The following UBE2E2 variants were observed in gnomAD, a reference collection of about 807,000 sequenced individuals.
The protein encoded by UBE2E2 is ubiquitin conjugating enzyme E2 E2.
Under a neutral mutation model 24.7 loss-of-function variants are expected in UBE2E2, and 6 were observed. That is an observed-to-expected ratio of 0.24 (90% CI 0.13 to 0.48). The LOEUF is 0.48. Among genes scored for constraint, UBE2E2 ranks in the 20% least tolerant of loss-of-function variants. UBE2E2 has a pLI of 0.99. For synonymous variants in UBE2E2, 104 were observed against 83.6 expected (o/e 1.24, Z -1.33); for missense variants, 169 against 245.0 (o/e 0.69, Z 2.07).
At chr3:23,226,215 G>A (rs955325164) in intron 3 of UBE2E2, among the ~76,000 whole-genome samples, 7 of 150,738 alleles carry the variant, frequency 4.6e-5, no homozygotes, top group Non-Finnish European at 1.0e-4. Flanking sequence ...AACTAAAATG[G>A]TATGTAGGGA....
At chr3:23,260,088 G>T (rs1383016080) in intron 3 of UBE2E2, among the ~76,000 whole-genome samples, 3 of 152,150 alleles carry the variant, frequency 2.0e-5, no homozygotes. Context: ...TCCTAGATGT[G>T]TATACAACAT....
rs931648898 is a variant in UBE2E2, at chr3:23,590,217, A to AT, written c.*395dup. The AT allele has an allele frequency of 1.5e-4, 24 of 164,468 alleles. No homozygotes were observed. Among genetic ancestry groups the AT allele is most frequent in the South Asian group, 3.9e-4 (2 of 5,134 alleles). 10.2% of individuals were successfully genotyped at this position (164,468 alleles called of 1,614,324 possible). A position where few individuals can be genotyped will look rare whatever the true frequency, so the allele number is the denominator to read the frequency against. On this transcript the variant is annotated 3_prime_UTR_variant, in exon 6 of 6. Transcript: ENST00000396703. ...TTTTGTTGTTGTTTATTTGATTTTG[A>AT]TTTTTTTTTCTTTTATGTGATCTTT...
intron 3 of UBE2E2, among the ~76,000 whole-genome samples, chr3:23,481,510 C>T (rs1699258885): frequency 6.6e-6 from 1 of 152,188 alleles, no homozygotes; most frequent in African/African-American, 2.4e-5. Context: ...GTACAATTAG[C>T]CTTTTTAATG....
chr3:23,432,057 C>A (rs1351708878), intron 3 of UBE2E2, among the ~76,000 whole-genome samples: 1 of 152,150 alleles, frequency 6.6e-6, no homozygotes, highest in African/African-American at 2.4e-5. Context: ...GCTTTCAGTA[C>A]AGAAAATTTG....
At chr3:23,301,168 T>A (rs989426464) in intron 3 of UBE2E2, among the ~76,000 whole-genome samples, 2 of 152,228 alleles carry the variant, frequency 1.3e-5, no homozygotes, top group African/African-American at 4.8e-5. Context: ...CATTAGTTAT[T>A]CTAGTTATCC....
chr3:23,579,027 A>T (rs1696408333), intron 5 of UBE2E2, among the ~76,000 whole-genome samples: 1 of 152,200 alleles, frequency 6.6e-6, no homozygotes, highest in Non-Finnish European at 1.5e-5. Context: ...TGTTGTTTTC[A>T]TGCCTGCTAA....
intron 3 of UBE2E2, among the ~76,000 whole-genome samples, chr3:23,490,244 G>A (rs1280644033): frequency 6.6e-6 from 1 of 152,128 alleles, no homozygotes; most frequent in East Asian, 1.9e-4. Flanking sequence ...GTATATACAT[G>A]TTGAACATCT....
At chr3:23,253,196 A>T (rs1697621909) in intron 3 of UBE2E2, among the ~76,000 whole-genome samples, 1 of 152,240 alleles carries the variant, frequency 6.6e-6, no homozygotes, top group South Asian at 2.1e-4. Context: ...TGACTAGATA[A>T]AATTACACAC....
chr3:23,423,219 G>C (rs1025048858), intron 3 of UBE2E2, among the ~76,000 whole-genome samples: 2 of 152,170 alleles, frequency 1.3e-5, no homozygotes, highest in Non-Finnish European at 2.9e-5. Flanking sequence ...CGCATAAAAC[G>C]GTTTGATAGC....
intron 3 of UBE2E2, among the ~76,000 whole-genome samples, chr3:23,242,609 A>G (rs1436752072): frequency 1.3e-5 from 2 of 152,056 alleles, no homozygotes; most frequent in African/African-American, 2.4e-5. Context: ...AGTATGGAGC[A>G]CTTTGCAGAT....
chr3:23,486,607 C>T (rs1288570195), intron 3 of UBE2E2, among the ~76,000 whole-genome samples: 1 of 152,178 alleles, frequency 6.6e-6, no homozygotes, highest in Non-Finnish European at 1.5e-5. Flanking sequence ...TCTTGTCCCA[C>T]GTCTGGGAAG....
chr3:23,413,177 C>G (rs1697536370), intron 3 of UBE2E2, among the ~76,000 whole-genome samples: 1 of 148,920 alleles, frequency 6.7e-6, no homozygotes, highest in African/African-American at 2.5e-5. Context: ...GCACATGTAC[C>G]CTAAAACTTA....
rs191023297 is a variant in UBE2E2, at chr3:23,215,058, T to A, written c.177-2204T>A. ...CAGTTAATGATAGTTAAAATTTTTT[T>A]AAAAAGATTATTGGTTGCCTTTATA... On this transcript the variant is annotated intron_variant, in intron 2 of 5. Coordinates refer to ENST00000396703, the MANE Select transcript of UBE2E2 (RefSeq NM_152653.4). Among the ~76,000 whole-genome samples the A allele has an allele frequency of 1.6e-3, 242 of 152,276 alleles. 4 individuals carry two copies. The East Asian group carries it at 0.037, about 23-fold the overall frequency.
intron 3 of UBE2E2, among the ~76,000 whole-genome samples, chr3:23,365,849 CCAACTT>C (rs1330042658): frequency 6.6e-6 from 1 of 152,082 alleles, no homozygotes; most frequent in Non-Finnish European, 1.5e-5. Flanking sequence ...ATCACATTAC[CCAACTT>C]CAAACTATAT....
chr3:23,267,779 T>C (rs1670942481), intron 3 of UBE2E2, among the ~76,000 whole-genome samples: 1 of 150,974 alleles, frequency 6.6e-6, no homozygotes, highest in African/African-American at 2.4e-5. Flanking sequence ...CCAATATCCT[T>C]GATGAACATT....
At chr3:23,557,777 C>G (rs762048377) in intron 5 of UBE2E2, among the ~76,000 whole-genome samples, 11 of 152,204 alleles carry the variant, frequency 7.2e-5, no homozygotes, top group Admixed American at 1.3e-4. Flanking sequence ...ATAGCAGCCT[C>G]ATCTATAACT....
chr3:23,416,358 T>A (rs1332406105), intron 3 of UBE2E2, among the ~76,000 whole-genome samples: 1 of 152,224 alleles, frequency 6.6e-6, no homozygotes, highest in African/African-American at 2.4e-5. Context: ...TTCCTTTTTT[T>A]AAGAATGTTG....
At chr3:23,585,441 G>C (rs1042194561) in intron 5 of UBE2E2, among the ~76,000 whole-genome samples, 2 of 149,782 alleles carry the variant, frequency 1.3e-5, no homozygotes, top group Non-Finnish European at 3.0e-5. Context: ...GGAAAGCTTT[G>C]TATACCTAAC....
At chr3:23,217,983 A>G (rs1696524208) in intron 3 of UBE2E2, among the ~76,000 whole-genome samples, 2 of 152,110 alleles carry the variant, frequency 1.3e-5, no homozygotes, top group South Asian at 2.1e-4. Context: ...CAGTAGTTAG[A>G]AGATGGCTGT....
Sources: allele counts gnomAD v4.1 joint callset (sites outside exome capture counted in the v4.1 genomes callset), GRCh38; gene constraint gnomAD v4.1.1; transcripts MANE v1.5; gene names NCBI Gene and HGNC (gene_info 2026-07-23, HGNC 2026-07-21).